Variants in ATAD3A observed in about 807,000 individuals in gnomAD.
ATAD3A encodes ATPase family AAA domain-containing protein 3A.
In ATAD3A, 46 loss-of-function variants were observed where a neutral mutation model predicts 73.8. The observed-to-expected ratio is 0.62, with a 90% CI of 0.49 to 0.80. The LOEUF (loss-of-function observed/expected upper bound fraction) is 0.80. ATAD3A is among the 30% of genes least tolerant of loss of function. ATAD3A has a pLI of 0.00. For missense variants in ATAD3A, 705 were observed against 838.0 expected, an observed-to-expected ratio of 0.84 and a Z score of 1.96; for synonymous variants, 319 against 350.0, an observed-to-expected ratio of 0.91 and a Z score of 0.99.
intron 15 of ATAD3A, among the ~76,000 whole-genome samples, chr1:1,530,061 G>A (rs191177156): frequency 2.0e-5 from 3 of 152,350 alleles, no homozygotes; most frequent in Non-Finnish European, 4.4e-5. Flanking sequence ...GCTTAATGAA[G>A]CAGCCGAGTA....
chr1:1,532,658 C>A (rs1424621380), intron 15 of ATAD3A, among the ~76,000 whole-genome samples: 2 of 152,220 alleles, frequency 1.3e-5, no homozygotes, highest in Non-Finnish European at 2.9e-5. Flanking sequence ...ATCTGCATAG[C>A]CCCTTTCCTC....
At position 1,512,215 on chromosome 1, in the gene ATAD3A, G is replaced by T; in HGVS notation, c.-54G>T. 2.4e-6 allele frequency: 3 copies of T among 1,253,992 alleles called. No homozygotes were observed. Among genetic ancestry groups the T allele is most frequent in the Non-Finnish European group, 3.0e-6 (3 of 995,970 alleles). The allele number at this position is 1,253,992 out of a possible 1,614,324, so 77.7% of individuals were successfully genotyped here. ...GTGGAGGCTGCTCCCAGCCGCGCGC[G>T]AGTCAGACTCGGGTGGGGGTCCCGG... On this transcript the variant is annotated 5_prime_UTR_variant, in exon 1 of 16. Coordinates refer to ENST00000378756, the MANE Select transcript of ATAD3A (RefSeq NM_001170535.3).
chr1:1,512,471 C>G lies in ATAD3A; in HGVS notation c.203C>G (p.Ser68Trp). The G allele has an allele frequency of 8.4e-7, 1 of 1,185,310 alleles. No individual in the cohort carries two copies. Among genetic ancestry groups the G allele is most frequent in the Non-Finnish European group, 1.0e-6 (1 of 957,518 alleles). 73.4% of individuals were successfully genotyped at this position (1,185,310 alleles called of 1,614,324 possible). The change falls in exon 1 of 16, where the codon TCG becomes TGG. Residue 68 changes from serine to tryptophan, a missense_variant and splice_region_variant. Around this residue, in one of 5 missense-constraint regions of ATAD3A, gnomAD observed 125 missense variants for 170.6 expected, o/e 0.73. Transcript: ENST00000378756. ...AAGGCGGCGCGCGAGCTGGAGCACT[C>G]GCGTGAGTGCGGCGGGGCGGGGCGG... ...AAKAARELEHSRYAKDALNLA... is the reference protein window; with the variant it reads ...AAKAARELEHWRYAKDALNLA...
At position 1,519,926 on chromosome 1, in the gene ATAD3A, C is replaced by T. The variant is rs561542473; in HGVS notation, c.515-215C>T. Among the ~76,000 whole-genome samples the T allele has an allele frequency of 4.7e-3, 719 of 152,174 alleles. 5 individuals are homozygous for T. Among genetic ancestry groups the T allele is most frequent in the African/African-American group, 0.016 (666 of 41,470 alleles). On this transcript the variant is annotated intron_variant, in intron 5 of 15. Coordinates refer to ENST00000378756, the MANE Select transcript of ATAD3A (RefSeq NM_001170535.3). ...GTCCGTGGCCTTAGCCTATTGGCGG[C>T]GTGGGCCTGTCTGTGGCGTGGGCCT...
chr1:1,522,311 G>A (rs1194033798), intron 7 of ATAD3A, among the ~76,000 whole-genome samples: 1 of 152,206 alleles, frequency 6.6e-6, no homozygotes, highest in Admixed American at 6.5e-5. Context: ...AAAGTGCTGG[G>A]ATTACAGACC....
At chr1:1,519,079 G>C (rs1162338292) in intron 5 of ATAD3A, 89 bp downstream of exon 5, 30 of 1,607,566 alleles carry the variant, frequency 1.9e-5, no homozygotes, top group African/African-American at 5.3e-5. Flanking sequence ...TCTGCCGCCC[G>C]GCCCCTCATA....
Position 1,520,189 on chromosome 1 carries a change from G to T in ATAD3A, c.563G>T (p.Arg188Leu). The T allele has an allele frequency of 6.2e-7, 1 of 1,612,034 alleles. No individual in the cohort carries two copies. Among genetic ancestry groups the T allele is most frequent in the Non-Finnish European group, 8.5e-7 (1 of 1,179,638 alleles). The change falls in exon 6 of 16, where the codon CGA (arginine) becomes CTA (leucine). Residue 188 changes from arginine to leucine, a missense_variant. Coordinates refer to ENST00000378756, the MANE Select transcript of ATAD3A (RefSeq NM_001170535.3). This position sits in a 1 kb window ranked among gnomAD's most constrained non-coding sequence, Gnocchi z 4.0. ...MELRHKNEMLRVEAEARARAK... is the reference protein window; with the variant it reads ...MELRHKNEMLLVEAEARARAK... ...CTGCGGCACAAGAATGAGATGCTGC[G>T]AGTGGAGGCCGAGGCCCGGGCGCGC... is the stretch of plus-strand genomic sequence containing the variant.
rs945645904 is a variant in ATAD3A at position 1,525,425 on chromosome 1, T to G, written c.1266+134T>G. 7 of 1,272,676 alleles carry G rather than the reference T, an allele frequency of 5.5e-6. No individual in the cohort carries two copies. In the East Asian group the frequency reaches 1.4e-4, roughly 26 times the overall value. 78.8% of individuals were successfully genotyped at this position (1,272,676 alleles called of 1,614,324 possible). ...GTGTGAAAAACAGCTTTTTTTTTTT[T>G]TTTTTTTGAGAAGAAATCTCGCTCT... On this transcript the variant is annotated intron_variant, in intron 12 of 15. Transcript: ENST00000378756.
Position 1,527,727 on chromosome 1 carries a change from A to G in ATAD3A, c.1370A>G (p.Glu457Gly). The G allele has an allele frequency of 6.2e-7, 1 of 1,613,636 alleles. No individual in the cohort carries two copies. The highest frequency in any genetic ancestry group is 8.5e-7 in the Non-Finnish European group (1 of 1,179,836). The change falls in exon 14 of 16, where the codon GAG (glutamate) becomes GGG (glycine). Residue 457 changes from glutamate (E) to glycine (G), a missense_variant. This residue lies in a region of ATAD3A where 252 missense variants were observed against 278.5 expected (regional missense o/e 0.90). Coordinates refer to ENST00000378756, the MANE Select transcript of ATAD3A (RefSeq NM_001170535.3). ...CTGGTCCTGGCCAGCAACCAACCAG[A>G]GCAGTTCGACTGGGCCATCAATGAC... ...FMLVLASNQP[E>G]QFDWAINDRI...
At chr1:1,531,313 TG>T (rs1008928095) in intron 15 of ATAD3A, among the ~76,000 whole-genome samples, 1 of 151,726 alleles carries the variant, frequency 6.6e-6, no homozygotes, top group Non-Finnish European at 1.5e-5. Flanking sequence ...TAGCTGGGTG[TG>T]GTGGCGCATG....
chr1:1,512,355 C>A lies in ATAD3A; in HGVS notation c.87C>A (p.Ala29=), dbSNP rs561570704. The change falls in exon 1 of 16, where the codon GCC becomes GCA. Residue 29 remains alanine, a synonymous_variant. Transcript: ENST00000378756. ...CTTTGCCGCCCGCGCAGCCCGGGGCCGAGGGCGGCGGGGACCGCGGGTTGG... is the reference window on the plus strand; with the variant it reads ...CTTTGCCGCCCGCGCAGCCCGGGGCAGAGGGCGGCGGGGACCGCGGGTTGG... ...PPPLPPAQPG[A]EGGGDRGLGD... 501 of 1,242,864 alleles carry A rather than the reference C, an allele frequency of 4.0e-4. 5 individuals carry two copies. The East Asian group carries it at 0.016, about 40-fold the overall frequency. The allele number at this position is 1,242,864 out of a possible 1,614,324, so 77.0% of individuals were successfully genotyped here. A position where few individuals can be genotyped will look rare whatever the true frequency, so the allele number is the denominator to read the frequency against.
intron 7 of ATAD3A, among the ~76,000 whole-genome samples, chr1:1,521,169 G>A (rs1021506817): frequency 6.6e-5 from 10 of 150,946 alleles, no homozygotes. Flanking sequence ...CGCAGTGGCG[G>A]GCGCCTATAG....
chr1:1,528,772 C>T (rs1456480798), intron 14 of ATAD3A, among the ~76,000 whole-genome samples: 5 of 152,244 alleles, frequency 3.3e-5, no homozygotes, highest in African/African-American at 7.2e-5. Context: ...GCCTGGTTGC[C>T]GCTGCCGCCT....
Position 1,523,451 on chromosome 1 carries a change from G to T in ATAD3A, c.907-60G>T. 1.3e-6 allele frequency: 2 copies of T among 1,590,336 alleles called. No individual in the cohort carries two copies. Among genetic ancestry groups the T allele is most frequent in the Non-Finnish European group, 1.7e-6 (2 of 1,167,858 alleles). On this transcript the variant is annotated intron_variant, in intron 8 of 15. Coordinates refer to ENST00000378756, the MANE Select transcript of ATAD3A (RefSeq NM_001170535.3). The surrounding 1 kb of genome is among the most constrained non-coding windows in gnomAD (Gnocchi z 5.1). ...GTTACCGAGCGTGTGTGTGCGCGTT[G>T]GTGGCTGTTCCGTGGCTGTGGCAGG...
At chr1:1,522,697 G>A in intron 7 of ATAD3A, 47 bp from the exon 8 acceptor site, 7 of 1,607,682 alleles carry the variant, frequency 4.4e-6, no homozygotes, top group Non-Finnish European at 5.9e-6. Flanking sequence ...GCTCTAAGAG[G>A]GAGGGACGGT....
chr1:1,518,783 C>G, intron 4 of ATAD3A, 138 bp from the exon 5 acceptor site: 1 of 1,542,546 alleles, frequency 6.5e-7, no homozygotes, highest in African/African-American at 1.4e-5. Flanking sequence ...CACCGTCACC[C>G]CCCGCAAACG....
chr1:1,521,398 A>G (rs1490675351), intron 7 of ATAD3A, among the ~76,000 whole-genome samples: 1 of 151,248 alleles, frequency 6.6e-6, no homozygotes, highest in Non-Finnish European at 1.5e-5. Flanking sequence ...GAGAGTTTGA[A>G]GTTCACAGAT....
chr1:1,517,980 GAC>G (rs1231421527), intron 4 of ATAD3A, among the ~76,000 whole-genome samples: 3 of 151,950 alleles, frequency 2.0e-5, no homozygotes, highest in East Asian at 3.9e-4. Context: ...TGTACATGGA[GAC>G]ACAGGCACCT....
chr1:1,534,111 G>C lies in ATAD3A; in HGVS notation c.*39G>C, dbSNP rs763877973. ...TCCACAGCTCACGGAGCCTGGCCGC[G>C]GACCCCTCCCACCCCTGCCTTGCCG... is the stretch of plus-strand genomic sequence containing the variant. On this transcript the variant is annotated 3_prime_UTR_variant, in exon 16 of 16. Coordinates refer to ENST00000378756, the MANE Select transcript of ATAD3A (RefSeq NM_001170535.3). The C allele has an allele frequency of 6.2e-7, 1 of 1,613,138 alleles. No individual in the cohort carries two copies. Among genetic ancestry groups the C allele is most frequent in the Non-Finnish European group, 8.5e-7 (1 of 1,179,730 alleles).
Sources: gnomAD v4.1 joint callset for allele counts (sites outside exome capture counted in the v4.1 genomes callset) on GRCh38, gnomAD v4.1.1 for gene constraint, gnomAD v4.1.1 regional missense constraint, Gnocchi (gnomAD v3.1) non-coding constraint, MANE v1.5 for transcripts, NCBI Gene and HGNC (gene_info 2026-07-23, HGNC 2026-07-21) for gene names.